BHLHE22: variants seen among roughly 807,000 people sequenced by gnomAD.
The protein encoded by BHLHE22 is class E basic helix-loop-helix protein 22.
Under a neutral mutation model 17.6 loss-of-function variants are expected in BHLHE22, and 8 were observed. The ratio of observed to expected loss-of-function variants is 0.45; its 90% CI spans 0.27 to 0.82. The LOEUF is 0.82. Among genes scored for constraint, BHLHE22 ranks in the 40% least tolerant of loss-of-function variants. BHLHE22 has a pLI of 0.16. For missense variants in BHLHE22, 570 were observed against 581.5 expected (o/e 0.98, Z 0.20); for synonymous variants, 353 against 282.7 (o/e 1.25, Z -2.49).
At position 64,581,157 on chromosome 8, in the gene BHLHE22, G is replaced by T; in HGVS notation, c.367G>T (p.Ala123Ser). Reference sequence around the variant, plus strand: ...TAGCCTAAGCAGCCTGCCGGCCGGGGCCGCCCTTTGCCTCAAGTACGGCGA... The same window carrying T: ...TAGCCTAAGCAGCCTGCCGGCCGGGTCCGCCCTTTGCCTCAAGTACGGCGA... ...DPSLSSLPAG[A>S]ALCLKYGESA... The change falls in exon 1 of 1, where the codon GCC (alanine) becomes TCC (serine). Residue 123 changes from alanine (A) to serine (S), a missense_variant. Physicochemically the swap from Ala to Ser is moderately conservative, Grantham distance 99. This residue lies in a region of BHLHE22 where 427 missense variants were observed against 376.2 expected (regional missense o/e 1.14). Transcript: ENST00000321870. The surrounding 1 kb of genome is among the most constrained non-coding windows in gnomAD (Gnocchi z 6.4). 1.4e-6 allele frequency: 2 copies of T among 1,413,716 alleles called. No individual in the cohort carries two copies. Among genetic ancestry groups the T allele is most frequent in the Non-Finnish European group, 9.1e-7 (1 of 1,094,498 alleles). The allele number at this position is 1,413,716 out of a possible 1,614,324, so 87.6% of individuals were successfully genotyped here.
rs531148752 is a variant in BHLHE22 at position 64,580,991 on chromosome 8, G to A, written c.201G>A (p.Pro67=). 1.5e-6 allele frequency: 2 copies of A among 1,349,442 alleles called. No homozygotes were observed. Among genetic ancestry groups the A allele is most frequent in the Admixed American group, 7.3e-5 (2 of 27,514 alleles). 83.6% of individuals were successfully genotyped at this position (1,349,442 alleles called of 1,614,324 possible). A position where few individuals can be genotyped will look rare whatever the true frequency, so the allele number is the denominator to read the frequency against. ...SSSSPLGCFE[P]ADPEGAGLLL... is the part of the protein sequence containing the mutation. ...CGTCGCCCCTGGGCTGCTTCGAGCC[G>A]GCTGACCCCGAGGGGGCAGGGCTGC... The change falls in exon 1 of 1, where the codon CCG becomes CCA. Residue 67 remains proline, a synonymous_variant. Transcript: ENST00000321870.
chr8:64,581,582 G>A lies in BHLHE22; in HGVS notation c.792G>A (p.Glu264=), dbSNP rs764053495. The change falls in exon 1 of 1, where the codon GAG becomes GAA. Residue 264 remains glutamate, a synonymous_variant. Transcript: ENST00000321870. This position sits in a 1 kb window ranked among gnomAD's most constrained non-coding sequence, Gnocchi z 6.4. ...RMHDLNDALD[E]LRAVIPYAHS... ...ACGACCTGAACGACGCGCTGGACGA[G>A]CTGCGCGCGGTGATCCCCTACGCGC... The A allele has an allele frequency of 6.2e-7, 1 of 1,612,352 alleles. No individual in the cohort carries two copies. Among genetic ancestry groups the A allele is most frequent in the Non-Finnish European group, 8.5e-7 (1 of 1,179,798 alleles).
Position 64,581,885 on chromosome 8 carries a change from G to C in BHLHE22, c.1095G>C (p.Leu365=), listed in dbSNP as rs970008770. ...CCTCCTGCCCGGAGAAGTGCGCCCT[G>C]TTTAACAGCGTCTCCTCCAGCCTCT... ...PAASCPEKCA[L]FNSVSSSLCK... The change falls in exon 1 of 1, where the codon CTG becomes CTC. Residue 365 remains leucine (L), a synonymous_variant. Transcript: ENST00000321870. The surrounding 1 kb of genome is among the most constrained non-coding windows in gnomAD (Gnocchi z 6.4). 6.2e-7 allele frequency: 1 copy of C among 1,610,252 alleles called. No individual in the cohort carries two copies. Among genetic ancestry groups the C allele is most frequent in the Non-Finnish European group, 8.5e-7 (1 of 1,179,610 alleles).
chr8:64,582,119 T>A lies in BHLHE22; in HGVS notation c.*183T>A. The A allele has an allele frequency of 1.6e-5, 7 of 437,292 alleles. No homozygotes were observed. The highest frequency in any genetic ancestry group is 7.2e-5 in the East Asian group (1 of 13,868). 27.1% of individuals were successfully genotyped at this position (437,292 alleles called of 1,614,324 possible). On this transcript the variant is annotated 3_prime_UTR_variant, in exon 1 of 1. Transcript: ENST00000321870. ...ACTTTTAGCCTTGACATCCCCAGAA[T>A]CTCGGTCTTTGGGGTGGGGAGGGAG...
chr8:64,581,735 C>T lies in BHLHE22; in HGVS notation c.945C>T (p.Ala315=), dbSNP rs779796027. ...TCGCCTACCTCAACCAGGGCCAGGCCATCTCGGCTGCCTCCCTGCCCAGCT... is the reference window on the plus strand; with the variant it reads ...TCGCCTACCTCAACCAGGGCCAGGCTATCTCGGCTGCCTCCCTGCCCAGCT... ...RLVAYLNQGQ[A]ISAASLPSSA... The change falls in exon 1 of 1, where the codon GCC becomes GCT. Residue 315 remains alanine, a synonymous_variant. Transcript: ENST00000321870. This position sits in a 1 kb window ranked among gnomAD's most constrained non-coding sequence, Gnocchi z 6.4. The T allele has an allele frequency of 1.9e-6, 3 of 1,602,350 alleles. No individual in the cohort carries two copies. Among genetic ancestry groups the T allele is most frequent in the Non-Finnish European group, 8.5e-7 (1 of 1,175,996 alleles).
In BHLHE22 at chr8:64,580,725, T is replaced by A. The variant is rs899861758; in HGVS notation, c.-66T>A. 95 of 976,368 alleles carry A rather than the reference T, an allele frequency of 9.7e-5. No homozygotes were observed. Among genetic ancestry groups the A allele is most frequent in the Non-Finnish European group, 1.1e-4 (92 of 821,034 alleles). The allele number at this position is 976,368 out of a possible 1,614,324, so 60.5% of individuals were successfully genotyped here. A position where few individuals can be genotyped will look rare whatever the true frequency, so the allele number is the denominator to read the frequency against. The stretch of plus-strand genomic sequence containing the variant: ...GCGCGCGTCTGTGGGGCCGCCTGAC[T>A]CCGGGGCCGAGGCGGCGGCGGCGGC... On this transcript the variant is annotated 5_prime_UTR_variant, in exon 1 of 1. Transcript: ENST00000321870.
chr8:64,580,881 T>C lies in BHLHE22; in HGVS notation c.91T>C (p.Leu31=). 6.6e-7 allele frequency: 1 copy of C among 1,520,734 alleles called. No individual in the cohort carries two copies. The highest frequency in any genetic ancestry group is 8.7e-7 in the Non-Finnish European group (1 of 1,144,956). 94.2% of individuals were successfully genotyped at this position (1,520,734 alleles called of 1,614,324 possible). A position where few individuals can be genotyped will look rare whatever the true frequency, so the allele number is the denominator to read the frequency against. The change falls in exon 1 of 1, where the codon TTG becomes CTG. Residue 31 remains leucine (L), a synonymous_variant. Coordinates refer to ENST00000321870, the MANE Select transcript of BHLHE22 (RefSeq NM_152414.5). ...CCTGAGCGCCTCCACCTCCAAGCGC[T>C]TGGAAGCGGCTTTCCGCTCCACGCC... ...KSLSASTSKR[L]EAAFRSTPPG...
chr8:64,581,201 G>T lies in BHLHE22; in HGVS notation c.411G>T (p.Ser137=). The change falls in exon 1 of 1, where the codon TCG becomes TCT. Residue 137 remains serine (S), a synonymous_variant. Coordinates refer to ENST00000321870, the MANE Select transcript of BHLHE22 (RefSeq NM_152414.5). The surrounding 1 kb of genome is among the most constrained non-coding windows in gnomAD (Gnocchi z 6.4). Reference sequence around the variant, plus strand: ...ACGGCGAAAGCGCGAGCCGGGGCTCGGTGGCCGAGAGCAGCGGCGGCGAGC... The same window carrying T: ...ACGGCGAAAGCGCGAGCCGGGGCTCTGTGGCCGAGAGCAGCGGCGGCGAGC... ...LKYGESASRG[S]VAESSGGEQS... is the part of the protein sequence containing the mutation. 6.9e-7 allele frequency: 1 copy of T among 1,443,410 alleles called. No homozygotes were observed. The highest frequency in any genetic ancestry group is 9.0e-7 in the Non-Finnish European group (1 of 1,110,014). The allele number at this position is 1,443,410 out of a possible 1,614,324, so 89.4% of individuals were successfully genotyped here. A position where few individuals can be genotyped will look rare whatever the true frequency, so the allele number is the denominator to read the frequency against.
chr8:64,581,781 G>C lies in BHLHE22; in HGVS notation c.991G>C (p.Ala331Pro). 6 of 1,588,530 alleles carry C rather than the reference G, an allele frequency of 3.8e-6. No individual in the cohort carries two copies. Among genetic ancestry groups the C allele is most frequent in the Non-Finnish European group, 4.3e-6 (5 of 1,171,280 alleles). ...CAGCTCGGCGGCTGCAGCGGCAGCAGCTGCTGCCCTGCACCCGGCGCTCGG... is the reference window on the plus strand; with the variant it reads ...CAGCTCGGCGGCTGCAGCGGCAGCACCTGCTGCCCTGCACCCGGCGCTCGG... ...LPSSAAAAAAAAALHPALGAY... is the reference protein window; with the variant it reads ...LPSSAAAAAAPAALHPALGAY... The change falls in exon 1 of 1, where the codon GCT (alanine) becomes CCT (proline). Residue 331 changes from alanine to proline, a missense_variant. Physicochemically the swap from Ala to Pro is conservative, Grantham distance 27. Coordinates refer to ENST00000321870, the MANE Select transcript of BHLHE22 (RefSeq NM_152414.5). This position sits in a 1 kb window ranked among gnomAD's most constrained non-coding sequence, Gnocchi z 6.4.
In BHLHE22 at chr8:64,581,144, C is replaced by G; in HGVS notation, c.354C>G (p.Ser118Arg). The G allele has an allele frequency of 7.1e-7, 1 of 1,408,510 alleles. No homozygotes were observed. The highest frequency in any genetic ancestry group is 2.8e-5 in the East Asian group (1 of 35,368). 87.3% of individuals were successfully genotyped at this position (1,408,510 alleles called of 1,614,324 possible). A position where few individuals can be genotyped will look rare whatever the true frequency, so the allele number is the denominator to read the frequency against. Residue 118 changes from serine (S) to arginine (R), a missense_variant, in exon 1 of 1, where the codon AGC becomes AGG. Ser to Arg is a moderately radical substitution (Grantham distance 110). Transcript: ENST00000321870. This position sits in a 1 kb window ranked among gnomAD's most constrained non-coding sequence, Gnocchi z 6.4. ...AGVGGDPSLS[S>R]LPAGAALCLK... Reference sequence around the variant, plus strand: ...TTGGGGGCGACCCTAGCCTAAGCAGCCTGCCGGCCGGGGCCGCCCTTTGCC... The same window carrying G: ...TTGGGGGCGACCCTAGCCTAAGCAGGCTGCCGGCCGGGGCCGCCCTTTGCC...
Position 64,581,036 on chromosome 8 carries a change from A to AGGC in BHLHE22, c.256_258dup (p.Gly86dup), listed in dbSNP as rs545764928. 42 of 1,319,502 alleles carry AGGC rather than the reference A, an allele frequency of 3.2e-5. No homozygotes were observed. Among genetic ancestry groups the AGGC allele is most frequent in the East Asian group, 1.6e-4 (5 of 32,068 alleles). The allele number at this position is 1,319,502 out of a possible 1,614,324, so 81.7% of individuals were successfully genotyped here. On this transcript the variant is annotated inframe_insertion, in exon 1 of 1. Transcript: ENST00000321870. This position sits in a 1 kb window ranked among gnomAD's most constrained non-coding sequence, Gnocchi z 6.4. ...GGCTGCTGTTGCCGCCGCCTGGAGG[A>AGGC]GGCGGCGGCGGCAGCGCGGGAAGTG...
Position 64,581,818 on chromosome 8 carries a change from A to C in BHLHE22, c.1028A>C (p.Gln343Pro), listed in dbSNP as rs753814211. ...CACCCGGCGCTCGGCGCCTACGAGC[A>C]GGCAGCCGGCTACCCGTTCAGCGCC... is the stretch of plus-strand genomic sequence containing the variant. The part of the protein sequence containing the change: ...ALHPALGAYE[Q>P]AAGYPFSAGL... Residue 343 changes from glutamine to proline, a missense_variant, in exon 1 of 1, where the codon CAG becomes CCG. Gln to Pro is a moderately conservative substitution (Grantham distance 76, BLOSUM62 -1). Transcript: ENST00000321870. The surrounding 1 kb of genome is among the most constrained non-coding windows in gnomAD (Gnocchi z 6.4). 1.3e-5 allele frequency: 20 copies of C among 1,599,688 alleles called. No homozygotes were observed. The East Asian group carries it at 4.5e-4, about 36-fold the overall frequency.
At position 64,581,915 on chromosome 8, in the gene BHLHE22, A is replaced by G. The variant is rs1485611698; in HGVS notation, c.1125A>G (p.Lys375=). The G allele has an allele frequency of 6.2e-7, 1 of 1,611,804 alleles. No homozygotes were observed. The highest frequency in any genetic ancestry group is 2.2e-5 in the East Asian group (1 of 44,824). The change falls in exon 1 of 1, where the codon AAA becomes AAG. Residue 375 remains lysine (K), a synonymous_variant. Transcript: ENST00000321870. This position sits in a 1 kb window ranked among gnomAD's most constrained non-coding sequence, Gnocchi z 6.4. ...LFNSVSSSLC[K]QCTEKP ...ACAGCGTCTCCTCCAGCCTCTGCAA[A>G]CAGTGCACGGAGAAGCCTTAAACAC...
chr8:64,581,924 G>T lies in BHLHE22; in HGVS notation c.1134G>T (p.Thr378=). 6.2e-7 allele frequency: 1 copy of T among 1,611,560 alleles called. No individual in the cohort carries two copies. The highest frequency in any genetic ancestry group is 8.5e-7 in the Non-Finnish European group (1 of 1,179,672). The change falls in exon 1 of 1, where the codon ACG becomes ACT. Residue 378 remains threonine (T), a synonymous_variant. Transcript: ENST00000321870. This position sits in a 1 kb window ranked among gnomAD's most constrained non-coding sequence, Gnocchi z 6.4. ...CCTCCAGCCTCTGCAAACAGTGCACGGAGAAGCCTTAAACACACCCCCGAA... is the reference window on the plus strand; with the variant it reads ...CCTCCAGCCTCTGCAAACAGTGCACTGAGAAGCCTTAAACACACCCCCGAA... ...SVSSSLCKQC[T]EKP
Position 64,581,717 on chromosome 8 carries a change from C to T in BHLHE22, c.927C>T (p.Tyr309=), listed in dbSNP as rs1193944827. The T allele has an allele frequency of 1.2e-6, 2 of 1,606,396 alleles. No homozygotes were observed. Among genetic ancestry groups the T allele is most frequent in the South Asian group, 1.1e-5 (1 of 90,246 alleles). Residue 309 remains tyrosine, a synonymous_variant, in exon 1 of 1, where the codon TAC becomes TAT. Transcript: ENST00000321870. The surrounding 1 kb of genome is among the most constrained non-coding windows in gnomAD (Gnocchi z 6.4). ...AGGAGATGCGGCGCCTAGTCGCCTACCTCAACCAGGGCCAGGCCATCTCGG... is the reference window on the plus strand; with the variant it reads ...AGGAGATGCGGCGCCTAGTCGCCTATCTCAACCAGGGCCAGGCCATCTCGG... ...ALEEMRRLVA[Y]LNQGQAISAA...
At position 64,580,957 on chromosome 8, in the gene BHLHE22, C is replaced by T; in HGVS notation, c.167C>T (p.Ser56Phe). ...LAPPPRERPASSSSSPLGCFE... is the reference protein window; with the variant it reads ...LAPPPRERPAFSSSSPLGCFE... ...CCGCCGCCTCGGGAACGCCCGGCGT[C>T]CTCCTCCTCGTCGCCCCTGGGCTGC... Residue 56 changes from serine (S) to phenylalanine (F), a missense_variant, in exon 1 of 1, where the codon TCC becomes TTC. Ser to Phe is a radical substitution (Grantham distance 155). Transcript: ENST00000321870. 1 of 1,447,728 alleles carries T rather than the reference C, an allele frequency of 6.9e-7. No homozygotes were observed. 89.7% of individuals were successfully genotyped at this position (1,447,728 alleles called of 1,614,324 possible). A position where few individuals can be genotyped will look rare whatever the true frequency, so the allele number is the denominator to read the frequency against.
rs1177082933 is a variant in BHLHE22, at chr8:64,581,435, C to T, written c.645C>T (p.Gly215=). Residue 215 remains glycine, a synonymous_variant, in exon 1 of 1, where the codon GGC becomes GGT. Coordinates refer to ENST00000321870, the MANE Select transcript of BHLHE22 (RefSeq NM_152414.5). This position sits in a 1 kb window ranked among gnomAD's most constrained non-coding sequence, Gnocchi z 6.4. ...GTAGCAGCAGCGGTAGCAGTGGCGGCGGTGGCGGTAGCGGTAGCGGCAGCG... is the reference window on the plus strand; with the variant it reads ...GTAGCAGCAGCGGTAGCAGTGGCGGTGGTGGCGGTAGCGGTAGCGGCAGCG... ...GGGSSSGSSG[G]GGGSGSGSGG... The T allele has an allele frequency of 3.3e-6, 5 of 1,536,214 alleles. No individual in the cohort carries two copies. Among genetic ancestry groups the T allele is most frequent in the South Asian group, 1.2e-5 (1 of 84,238 alleles).
rs1327004738 is a variant in BHLHE22, at chr8:64,582,081, A to T, written c.*145A>T. Reference sequence around the variant, plus strand: ...GAGGCAAGAACTGAGGAGAAGTATCAGAGACAAACGGGACTTTTAGCCTTG... The same window carrying T: ...GAGGCAAGAACTGAGGAGAAGTATCTGAGACAAACGGGACTTTTAGCCTTG... On this transcript the variant is annotated 3_prime_UTR_variant, in exon 1 of 1. Transcript: ENST00000321870. The T allele has an allele frequency of 6.3e-6, 6 of 945,486 alleles. No homozygotes were observed. Among genetic ancestry groups the T allele is most frequent in the Non-Finnish European group, 7.7e-6 (5 of 650,460 alleles). 58.6% of individuals were successfully genotyped at this position (945,486 alleles called of 1,614,324 possible). A position where few individuals can be genotyped will look rare whatever the true frequency, so the allele number is the denominator to read the frequency against.
Position 64,580,938 on chromosome 8 carries a change from C to T in BHLHE22, c.148C>T (p.Pro50Ser). ...PGMDLSLAPP[P>S]RERPASSSSS... ...CATGGACCTGTCCCTGGCGCCGCCG[C>T]CTCGGGAACGCCCGGCGTCCTCCTC... Residue 50 changes from proline (P) to serine (S), a missense_variant, in exon 1 of 1, where the codon CCT becomes TCT. Pro to Ser is a moderately conservative substitution (Grantham distance 74). Around this residue, in one of 3 missense-constraint regions of BHLHE22, gnomAD observed 427 missense variants for 376.2 expected, o/e 1.14. Coordinates refer to ENST00000321870, the MANE Select transcript of BHLHE22 (RefSeq NM_152414.5). 5 of 1,475,710 alleles carry T rather than the reference C, an allele frequency of 3.4e-6. No individual in the cohort carries two copies. The East Asian group carries it at 8.3e-5, about 25-fold the overall frequency. 91.4% of individuals were successfully genotyped at this position (1,475,710 alleles called of 1,614,324 possible).
Sources: allele counts gnomAD v4.1 joint callset, GRCh38; gene constraint gnomAD v4.1.1; regional missense constraint gnomAD v4.1.1; non-coding constraint Gnocchi (gnomAD v3.1); transcripts MANE v1.5; gene names NCBI Gene and HGNC (gene_info 2026-07-23, HGNC 2026-07-21).